The following CPNE8 variants were observed in gnomAD, a reference collection of about 807,000 sequenced individuals.
The protein encoded by CPNE8 is copine-8.
Under a neutral mutation model 81.5 loss-of-function variants are expected in CPNE8, and 45 were observed. The observed-to-expected ratio is 0.55, with a 90% confidence interval of 0.44 to 0.71. The LOEUF is 0.71. Among genes scored for constraint, CPNE8 ranks in the 30% least tolerant of loss-of-function variants. CPNE8 has a pLI of 0.00. For synonymous variants in CPNE8, 252 were observed against 226.3 expected (o/e 1.11, Z -1.02); for missense variants, 594 against 672.1 (o/e 0.88, Z 1.28).
chr12:38,903,071 A>G (rs1353375787), intron 1 of CPNE8, among the ~76,000 whole-genome samples: 2 of 152,210 alleles, frequency 1.3e-5, no homozygotes, highest in Non-Finnish European at 2.9e-5. Flanking sequence ...AAGATCCAAC[A>G]ATACTCAAAT....
At chr12:38,839,810 C>T (rs1301628615) in intron 5 of CPNE8, 106 bp downstream of exon 5, 12 of 1,009,838 alleles carry the variant, frequency 1.2e-5, no homozygotes, top group South Asian at 8.0e-5. Context: ...ATGACAATCA[C>T]GTTACATGAA....
intron 4 of CPNE8, among the ~76,000 whole-genome samples, chr12:38,842,432 T>G (rs1943485069): frequency 6.6e-6 from 1 of 152,134 alleles, no homozygotes; most frequent in Non-Finnish European, 1.5e-5. Flanking sequence ...AGCTTAAGTA[T>G]CTTCAAATAC....
At chr12:38,877,954 G>A (rs1157985594) in intron 1 of CPNE8, among the ~76,000 whole-genome samples, 1 of 152,094 alleles carries the variant, frequency 6.6e-6, no homozygotes, top group Non-Finnish European at 1.5e-5. Flanking sequence ...GATAAAACAG[G>A]TTGCAGTAAA....
intron 1 of CPNE8, among the ~76,000 whole-genome samples, chr12:38,898,114 T>C (rs1944412592): frequency 6.6e-6 from 1 of 152,158 alleles, no homozygotes; most frequent in African/African-American, 2.4e-5. Flanking sequence ...TTCTGCCTGC[T>C]ACAACACAAA....
chr12:38,759,808 C>A (rs576025705), intron 10 of CPNE8, among the ~76,000 whole-genome samples: 2 of 152,294 alleles, frequency 1.3e-5, no homozygotes, highest in South Asian at 2.1e-4. Context: ...AGCATATGGG[C>A]AAGTGTCATA....
At chr12:38,704,151 ACTATG>A (rs2136693801) in intron 13 of CPNE8, among the ~76,000 whole-genome samples, 1 of 152,282 alleles carries the variant, frequency 6.6e-6, no homozygotes, top group Non-Finnish European at 1.5e-5. Context: ...ACTGTTGGGT[ACTATG>A]CTCAGTACCT....
chr12:38,870,028 C>T lies in CPNE8; in HGVS notation c.186+2976G>A, dbSNP rs372809073. 1.1e-4 allele frequency among the ~76,000 whole-genome samples: 17 copies of T among 152,200 alleles called. 1 individual carries two copies. Among genetic ancestry groups the T allele is most frequent in the South Asian group, 4.1e-4 (2 of 4,822 alleles). ...GGTAAAGTTTCTTTCCATTTATAAA[C>T]GAAGAGCATAAAGGTTGGTATCAGA... On this transcript the variant is annotated intron_variant, in intron 3 of 19. Coordinates refer to ENST00000331366, the MANE Select transcript of CPNE8 (RefSeq NM_153634.3).
chr12:38,800,181 T>G (rs1408903706), intron 6 of CPNE8, among the ~76,000 whole-genome samples: 1 of 116,808 alleles, frequency 8.6e-6, no homozygotes, highest in East Asian at 2.4e-4. Context: ...TGCCTGCCTC[T>G]GTAGGCTCCA....
intron 19 of CPNE8, among the ~76,000 whole-genome samples, chr12:38,663,320 G>T (rs1408109823): frequency 2.6e-5 from 4 of 151,362 alleles, no homozygotes; most frequent in African/African-American, 7.3e-5. Flanking sequence ...ACCCCACAAA[G>T]AATCTGATTT....
chr12:38,788,689 T>A (rs1203757697), intron 6 of CPNE8, among the ~76,000 whole-genome samples: 1 of 151,894 alleles, frequency 6.6e-6, no homozygotes, highest in African/African-American at 2.4e-5. Context: ...TGTTTGCAGA[T>A]TATATGGTCT....
chr12:38,665,518 A>AT, intron 19 of CPNE8, among the ~76,000 whole-genome samples: 1 of 152,162 alleles, frequency 6.6e-6, no homozygotes, highest in East Asian at 1.9e-4. Flanking sequence ...GTTTGAATTC[A>AT]TTTGGGCAAA....
At position 38,717,429 on chromosome 12, in the gene CPNE8, G is replaced by GTGTATATATATA. The variant is rs770984926; in HGVS notation, c.914+6342_914+6343insTATATATATACA. 6.8e-4 allele frequency among the ~76,000 whole-genome samples: 59 copies of GTGTATATATATA among 87,016 alleles called. 3 individuals carry two copies. Among genetic ancestry groups the GTGTATATATATA allele is most frequent in the East Asian group, 4.6e-3 (10 of 2,192 alleles). The allele number at this position is 87,016 out of a possible 152,430, so 57.1% of individuals were successfully genotyped here. A position where few individuals can be genotyped will look rare whatever the true frequency, so the allele number is the denominator to read the frequency against. The stretch of plus-strand genomic sequence containing the variant: ...AACAAGTAAACAAAGAAAGTGTGGT[G>GTGTATATATATA]TATATATATATATATATATATATAT... On this transcript the variant is annotated intron_variant, in intron 13 of 19. Coordinates refer to ENST00000331366, the MANE Select transcript of CPNE8 (RefSeq NM_153634.3).
intron 4 of CPNE8, among the ~76,000 whole-genome samples, chr12:38,842,826 C>A (rs932573917): frequency 6.6e-6 from 1 of 152,002 alleles, no homozygotes; most frequent in Admixed American, 6.6e-5. Flanking sequence ...AATCCGCCCC[C>A]CTCAGCCTCC....
intron 10 of CPNE8, among the ~76,000 whole-genome samples, chr12:38,741,067 G>A (rs1941088278): frequency 6.6e-6 from 1 of 152,190 alleles, no homozygotes; most frequent in African/African-American, 2.4e-5. Context: ...CCATGCTCAT[G>A]GATAGGAAGA....
chr12:38,672,795 G>A (rs908352205), intron 18 of CPNE8, among the ~76,000 whole-genome samples: 2 of 152,224 alleles, frequency 1.3e-5, no homozygotes, highest in East Asian at 3.9e-4. Flanking sequence ...AAAATACAGA[G>A]TTAAATTTAA....
intron 15 of CPNE8, among the ~76,000 whole-genome samples, chr12:38,687,125 A>C (rs1048081002): frequency 2.6e-5 from 4 of 152,190 alleles, no homozygotes; most frequent in African/African-American, 9.6e-5. Flanking sequence ...TCTATAACTA[A>C]AATTTATTGA....
intron 6 of CPNE8, among the ~76,000 whole-genome samples, chr12:38,793,072 C>T (rs140216747): frequency 9.1e-4 from 136 of 150,074 alleles, no homozygotes; most frequent in African/African-American, 3.2e-3. Context: ...AAGAAAATTA[C>T]TTCAATATAA....
At chr12:38,808,459 T>C (rs953719569) in intron 6 of CPNE8, among the ~76,000 whole-genome samples, 7 of 151,850 alleles carry the variant, frequency 4.6e-5, no homozygotes, top group Admixed American at 3.9e-4. Context: ...TGTAGGGACA[T>C]GGATGAAATT....
intron 13 of CPNE8, among the ~76,000 whole-genome samples, chr12:38,712,373 C>T (rs947013972): frequency 6.6e-6 from 1 of 151,940 alleles, no homozygotes; most frequent in African/African-American, 2.4e-5. Flanking sequence ...CCACACCCAA[C>T]TATTATATTT....
Sources: gnomAD v4.1 joint callset for allele counts (sites outside exome capture counted in the v4.1 genomes callset) on GRCh38, gnomAD v4.1.1 for gene constraint, MANE v1.5 for transcripts, NCBI Gene and HGNC (gene_info 2026-07-23, HGNC 2026-07-21) for gene names.